Variants in CAPZA2 observed in about 807,000 individuals in gnomAD.
CAPZA2 encodes F-actin-capping protein subunit alpha-2.
In CAPZA2, 13 loss-of-function variants were observed where a neutral mutation model predicts 44.0. The ratio of observed to expected loss-of-function variants is 0.30; its 90% confidence interval spans 0.19 to 0.47. The LOEUF is 0.47. CAPZA2 is among the 20% of genes least tolerant of loss of function. The pLI, the probability that CAPZA2 is intolerant of heterozygous loss-of-function variation, is 1.00. For synonymous variants in CAPZA2, 94 were observed against 108.2 expected (o/e 0.87, Z 0.81); for missense variants, 244 against 338.6 (o/e 0.72, Z 2.19).
chr7:116,902,395 TA>T (rs983781855), intron 4 of CAPZA2, among the ~76,000 whole-genome samples: 41 of 152,230 alleles, frequency 2.7e-4, no homozygotes, highest in African/African-American at 9.6e-4. Flanking sequence ...AGACACCAGA[TA>T]AAAATATTTT....
chr7:116,868,444 T>G (rs1323771247), intron 1 of CAPZA2, among the ~76,000 whole-genome samples: 1 of 152,142 alleles, frequency 6.6e-6, no homozygotes, highest in Non-Finnish European at 1.5e-5. Flanking sequence ...TTAGAAATGT[T>G]TTTATTGGCT....
intron 7 of CAPZA2, among the ~76,000 whole-genome samples, chr7:116,910,640 G>C (rs1488276564): frequency 6.6e-6 from 1 of 152,112 alleles, no homozygotes; most frequent in Non-Finnish European, 1.5e-5. Flanking sequence ...TGAATTGGGT[G>C]GAGTGGGGTG....
rs371920295 is a variant in CAPZA2, at chr7:116,888,940, A to G, written c.103+750A>G. Reference sequence around the variant, plus strand: ...TTAAAGAAAATCCTATGAGATCGGTATGAATAGCCAAAAGAAAAAGGGAAA... The same window carrying G: ...TTAAAGAAAATCCTATGAGATCGGTGTGAATAGCCAAAAGAAAAAGGGAAA... On this transcript the variant is annotated intron_variant, in intron 2 of 9. Transcript: ENST00000361183. 1.6e-4 allele frequency among the ~76,000 whole-genome samples: 24 copies of G among 152,326 alleles called. No individual in the cohort carries two copies. In the East Asian group the frequency reaches 3.9e-3, roughly 24 times the overall value.
At chr7:116,895,934 T>C (rs1011396999) in intron 3 of CAPZA2, among the ~76,000 whole-genome samples, 1 of 152,120 alleles carries the variant, frequency 6.6e-6, no homozygotes, top group Non-Finnish European at 1.5e-5. Flanking sequence ...AGATAATAAT[T>C]TGTTACCTAT....
rs926002699 is a variant in CAPZA2 at position 116,911,960 on chromosome 7, C to T, written c.586-109C>T. On this transcript the variant is annotated intron_variant, in intron 7 of 9. Coordinates refer to ENST00000361183, the MANE Select transcript of CAPZA2 (RefSeq NM_006136.3). ...AAGTTTTGGGGCTCAGCAGAGAAGT[C>T]TAGACTAGAGCTGAAATATGTAGTC... 5 of 1,546,764 alleles carry T rather than the reference C, an allele frequency of 3.2e-6. No homozygotes were observed. In the Admixed American group the frequency reaches 9.8e-5, roughly 30 times the overall value.
rs1415166391 is a variant in CAPZA2, at chr7:116,920,556, G to C, written c.*2689G>C. ...GGGAGAGTTTGGTCATGGAGTGTGA[G>C]ATAAAGAGAACCATGTCTGGGGCTG... On this transcript the variant is annotated 3_prime_UTR_variant, in exon 10 of 10. Transcript: ENST00000361183. 1 of 152,396 alleles carries C rather than the reference G, an allele frequency of 6.6e-6. No individual in the cohort carries two copies. Among genetic ancestry groups the C allele is most frequent in the African/African-American group, 2.4e-5 (1 of 41,462 alleles). 9.4% of individuals were successfully genotyped at this position (152,396 alleles called of 1,614,324 possible). A position where few individuals can be genotyped will look rare whatever the true frequency, so the allele number is the denominator to read the frequency against.
intron 1 of CAPZA2, among the ~76,000 whole-genome samples, chr7:116,865,171 TCTC>T (rs1796466974): frequency 7.3e-6 from 1 of 137,364 alleles, no homozygotes; most frequent in Admixed American, 7.3e-5. Flanking sequence ...CATTATGCGC[TCTC>T]TTCTTTTTTT....
At chr7:116,866,582 A>G (rs968283132) in intron 1 of CAPZA2, among the ~76,000 whole-genome samples, 8 of 152,356 alleles carry the variant, frequency 5.3e-5, no homozygotes, top group South Asian at 4.1e-4. Context: ...TTGAAATTGT[A>G]TGAAATTATG....
chr7:116,915,797 A>G (rs992003737), intron 8 of CAPZA2: 1 of 224,024 alleles, frequency 4.5e-6, no homozygotes, highest in South Asian at 8.8e-5. Context: ...TTTAAAATTG[A>G]ACTTTTCATC....
chr7:116,900,026 T>C (rs1282760830), intron 4 of CAPZA2, among the ~76,000 whole-genome samples: 1 of 151,610 alleles, frequency 6.6e-6, no homozygotes, highest in Non-Finnish European at 1.5e-5. Context: ...GACATATTGG[T>C]CTTACATATT....
chr7:116,891,192 CTCT>C (rs1286638426), intron 2 of CAPZA2, among the ~76,000 whole-genome samples: 3 of 152,156 alleles, frequency 2.0e-5, no homozygotes, highest in Non-Finnish European at 4.4e-5. Flanking sequence ...ATTTCTTCTA[CTCT>C]TCTTATGATA....
At chr7:116,910,678 G>T (rs905469717) in intron 7 of CAPZA2, among the ~76,000 whole-genome samples, 6 of 152,242 alleles carry the variant, frequency 3.9e-5, no homozygotes, top group East Asian at 3.9e-4. Context: ...ATGCATGTGT[G>T]TAGTTGTATA....
At chr7:116,912,257 T>TTA (rs1791606367) in intron 8 of CAPZA2, 117 bp downstream of exon 8, 1 of 1,463,824 alleles carries the variant, frequency 6.8e-7, no homozygotes, top group Non-Finnish European at 9.1e-7. Context: ...TTCTGATAGA[T>TTA]TAAAGATAAG....
At chr7:116,879,590 C>T (rs980121376) in intron 1 of CAPZA2, among the ~76,000 whole-genome samples, 4 of 152,100 alleles carry the variant, frequency 2.6e-5, no homozygotes, top group African/African-American at 9.7e-5. Context: ...ATACACAGTT[C>T]ACAATAGGGT....
In CAPZA2 at chr7:116,877,846, T is replaced by C. The variant is rs1796641659; in HGVS notation, c.40-10281T>C. Among the ~76,000 whole-genome samples, 4 of 152,056 alleles carry C rather than the reference T, an allele frequency of 2.6e-5. No individual in the cohort carries two copies. In the South Asian group the frequency reaches 8.3e-4, roughly 32 times the overall value. The stretch of plus-strand genomic sequence containing the variant: ...AAAAATCAGAATTTGCATTGAAAAA[T>C]ACCAGTCTGGTGGCAAGGTGGAAAA... On this transcript the variant is annotated intron_variant, in intron 1 of 9. Transcript: ENST00000361183.
At chr7:116,881,322 G>A (rs1796694969) in intron 1 of CAPZA2, among the ~76,000 whole-genome samples, 1 of 152,160 alleles carries the variant, frequency 6.6e-6, no homozygotes, top group South Asian at 2.1e-4. Context: ...TAAGTACAAA[G>A]AGCAAAACTT....
At chr7:116,894,360 CAAA>C (rs10706961) in intron 3 of CAPZA2, among the ~76,000 whole-genome samples, 14 of 114,496 alleles carry the variant, frequency 1.2e-4, no homozygotes, top group Admixed American at 1.8e-4. Flanking sequence ...GACTCCGTCT[CAAA>C]AAAAAAAAAA....
intron 1 of CAPZA2, among the ~76,000 whole-genome samples, chr7:116,871,684 C>G (rs1037204698): frequency 6.6e-6 from 1 of 152,238 alleles, no homozygotes; most frequent in African/African-American, 2.4e-5. Context: ...GATAACCAGA[C>G]TCAAGGACTT....
intron 1 of CAPZA2, chr7:116,875,298 T>C (rs1796607459): frequency 6.6e-6 from 1 of 152,252 alleles, no homozygotes; most frequent in Non-Finnish European, 1.5e-5. Flanking sequence ...TTAGGTCTTC[T>C]AATTTGCTCC....
Sources: gnomAD v4.1 joint callset for allele counts (sites outside exome capture counted in the v4.1 genomes callset) on GRCh38, gnomAD v4.1.1 for gene constraint, MANE v1.5 for transcripts, NCBI Gene and HGNC (gene_info 2026-07-23, HGNC 2026-07-21) for gene names.